The following SYCP1 variants were observed in gnomAD, a reference collection of about 807,000 sequenced individuals.
SYCP1 encodes synaptonemal complex protein 1, also known as cancer/testis antigen 8.
Under a neutral mutation model 153.1 loss-of-function variants are expected in SYCP1, and 64 were observed. The observed-to-expected ratio is 0.42, with a 90% CI of 0.34 to 0.51. The LOEUF is 0.51. Ranked by LOEUF, SYCP1 falls within the 20% of genes least tolerant of loss-of-function variation. The probability of loss-of-function intolerance (pLI) is 0.06; values close to 1 mark genes in which losing one functional copy is unlikely to be tolerated. For synonymous variants in SYCP1, 384 were observed against 341.8 expected, an observed-to-expected ratio of 1.12 and a Z score of -1.36; for missense variants, 997 against 1,049.0, an observed-to-expected ratio of 0.95 and a Z score of 0.68.
At chr1:114,924,601 G>A (rs1253386713) in intron 21 of SYCP1, among the ~76,000 whole-genome samples, 2 of 152,050 alleles carry the variant, frequency 1.3e-5, no homozygotes. Flanking sequence ...ATAGCAGGGA[G>A]GATAATATTC....
At chr1:114,984,194 T>G (rs771793300) in intron 29 of SYCP1, among the ~76,000 whole-genome samples, 2 of 152,124 alleles carry the variant, frequency 1.3e-5, no homozygotes, top group African/African-American at 4.8e-5. Flanking sequence ...CATAAGCCAC[T>G]GTACTTGGCT....
At chr1:114,925,628 C>T (rs1669202996) in intron 21 of SYCP1, among the ~76,000 whole-genome samples, 1 of 152,092 alleles carries the variant, frequency 6.6e-6, no homozygotes, top group Non-Finnish European at 1.5e-5. Context: ...TTAGTTTCCT[C>T]ATCTCTCAAA....
intron 23 of SYCP1, among the ~76,000 whole-genome samples, chr1:114,932,822 A>C (rs1669726685): frequency 6.6e-6 from 1 of 152,216 alleles, no homozygotes; most frequent in Non-Finnish European, 1.5e-5. Flanking sequence ...GCAGTCTGAG[A>C]TCGAACTGCA....
chr1:114,925,742 C>T (rs1410407560), intron 21 of SYCP1, among the ~76,000 whole-genome samples: 1 of 151,828 alleles, frequency 6.6e-6, no homozygotes, highest in South Asian at 2.1e-4. Flanking sequence ...CATTTATGTA[C>T]AAGACAATTT....
chr1:114,879,460 C>T (rs1164834562), intron 12 of SYCP1, among the ~76,000 whole-genome samples: 2 of 152,142 alleles, frequency 1.3e-5, no homozygotes, highest in Non-Finnish European at 2.9e-5. Context: ...TGGCTACTTC[C>T]TGTACTCAAA....
intron 23 of SYCP1, among the ~76,000 whole-genome samples, chr1:114,936,086 C>T (rs891118490): frequency 4.0e-5 from 6 of 151,740 alleles, no homozygotes; most frequent in South Asian, 2.1e-4. Flanking sequence ...AAAGGCTGGC[C>T]GAGACACAAC....
intron 18 of SYCP1, among the ~76,000 whole-genome samples, chr1:114,911,822 T>TA (rs1668200192): frequency 6.6e-6 from 1 of 152,042 alleles, no homozygotes; most frequent in East Asian, 1.9e-4. Flanking sequence ...TTACTTTTCT[T>TA]AGAGGTATTT....
intron 20 of SYCP1, among the ~76,000 whole-genome samples, chr1:114,919,840 A>AT (rs1446180229): frequency 7.2e-5 from 11 of 151,852 alleles, no homozygotes; most frequent in African/African-American, 2.7e-4. Flanking sequence ...GATATTGGTT[A>AT]TAATGTCTCC....
intron 16 of SYCP1, among the ~76,000 whole-genome samples, chr1:114,908,827 G>C (rs893104918): frequency 1.3e-5 from 2 of 152,096 alleles, no homozygotes; most frequent in Non-Finnish European, 2.9e-5. Context: ...GGTTATACTG[G>C]GGTTAGCATA....
chr1:114,868,343 G>A (rs1390824816), intron 8 of SYCP1, among the ~76,000 whole-genome samples: 1 of 152,046 alleles, frequency 6.6e-6, no homozygotes, highest in Non-Finnish European at 1.5e-5. Flanking sequence ...ATCTTGCTAT[G>A]TTGCCCAGGC....
At chr1:114,981,759 A>G (rs1366170019) in intron 29 of SYCP1, among the ~76,000 whole-genome samples, 2 of 152,058 alleles carry the variant, frequency 1.3e-5, no homozygotes, top group Non-Finnish European at 2.9e-5. Flanking sequence ...TATAGGTGTA[A>G]GCCACTGTGC....
intron 30 of SYCP1, among the ~76,000 whole-genome samples, chr1:114,986,978 G>C (rs1673557622): frequency 6.6e-6 from 1 of 151,978 alleles, no homozygotes; most frequent in African/African-American, 2.4e-5. Context: ...GCTGGTGCCA[G>C]AGGGGGCAAT....
chr1:114,992,226 A>G (rs1673972195), intron 30 of SYCP1, among the ~76,000 whole-genome samples: 1 of 151,774 alleles, frequency 6.6e-6, no homozygotes, highest in South Asian at 2.1e-4. Flanking sequence ...TGTCAGTGGT[A>G]CCCAAATCTC....
intron 28 of SYCP1, among the ~76,000 whole-genome samples, chr1:114,979,253 A>G (rs531772887): frequency 5.3e-5 from 8 of 151,466 alleles, no homozygotes; most frequent in Non-Finnish European, 7.4e-5. Flanking sequence ...CAATTTTCTC[A>G]TCTATAAAGG....
At chr1:114,903,467 A>G (rs1021998175) in intron 16 of SYCP1, among the ~76,000 whole-genome samples, 1 of 152,222 alleles carries the variant, frequency 6.6e-6, no homozygotes, top group Non-Finnish European at 1.5e-5. Flanking sequence ...AATACAGCAT[A>G]TCAGATAGAG....
intron 30 of SYCP1, among the ~76,000 whole-genome samples, chr1:114,989,188 A>G (rs1392254551): frequency 6.7e-6 from 1 of 148,616 alleles, no homozygotes; most frequent in Non-Finnish European, 1.5e-5. Context: ...ACAAAAAACC[A>G]AAAAAAACCC....
At chr1:114,960,404 G>A (rs1435111351) in intron 27 of SYCP1, among the ~76,000 whole-genome samples, 1 of 152,112 alleles carries the variant, frequency 6.6e-6, no homozygotes, top group African/African-American at 2.4e-5. Flanking sequence ...CTGACCTCAG[G>A]TGATCCACTC....
At chr1:114,971,699 G>C (rs975011330) in intron 27 of SYCP1, among the ~76,000 whole-genome samples, 1 of 152,002 alleles carries the variant, frequency 6.6e-6, no homozygotes, top group Non-Finnish European at 1.5e-5. Context: ...ATGATCATAT[G>C]GTTTGATATG....
intron 23 of SYCP1, among the ~76,000 whole-genome samples, chr1:114,932,422 A>G (rs1338304530): frequency 6.6e-6 from 1 of 152,194 alleles, no homozygotes; most frequent in Non-Finnish European, 1.5e-5. Flanking sequence ...AATATTGGCA[A>G]AGGGGGAAAA....
Sources: allele counts gnomAD v4.1 joint callset (sites outside exome capture counted in the v4.1 genomes callset), GRCh38; gene constraint gnomAD v4.1.1; transcripts MANE v1.5; gene names NCBI Gene and HGNC (gene_info 2026-07-23, HGNC 2026-07-21).